CSMD3: variants seen among roughly 807,000 people sequenced by gnomAD.
CSMD3 encodes CUB and sushi domain-containing protein 3.
In CSMD3, 177 loss-of-function variants were observed where a neutral mutation model predicts 435.2. The ratio of observed to expected loss-of-function variants is 0.41; its 90% confidence interval spans 0.36 to 0.46. The LOEUF (loss-of-function observed/expected upper bound fraction) is 0.46, where lower values mean the gene tolerates loss of function less well. Among genes scored for constraint, CSMD3 ranks in the 20% least tolerant of loss-of-function variants. The pLI is 0.34. For missense variants in CSMD3, 4,265 were observed against 4,504.6 expected (o/e 0.95, Z 1.52); for synonymous variants, 1,656 against 1,520.5 (o/e 1.09, Z -2.07).
intron 70 of CSMD3, among the ~76,000 whole-genome samples, chr8:112,226,669 G>T (rs1425253842): frequency 2.0e-5 from 3 of 152,106 alleles, no homozygotes; most frequent in Non-Finnish European, 4.4e-5. Context: ...TCTAATAAGG[G>T]CCTAGTGTCT....
intron 45 of CSMD3, among the ~76,000 whole-genome samples, chr8:112,332,257 A>C (rs2130929623): frequency 6.6e-6 from 1 of 152,234 alleles, no homozygotes; most frequent in South Asian, 2.1e-4. Context: ...AGTAAGTGTA[A>C]TCATAGAAGT....
At chr8:113,424,888 T>A (rs1404673962) in intron 1 of CSMD3, among the ~76,000 whole-genome samples, 1 of 151,576 alleles carries the variant, frequency 6.6e-6, no homozygotes, top group Non-Finnish European at 1.5e-5. Context: ...ATAAAGGTGG[T>A]GTCAACTACA....
chr8:112,492,480 G>T lies in CSMD3; in HGVS notation c.5278+9C>A, dbSNP rs766772373. The stretch of plus-strand genomic sequence containing the variant: ...TCATGAAAATTCAGCCAAAAAATAT[G>T]TTCCTTACCATGACAACTTGGCAAG... On this transcript the variant is annotated intron_variant, in intron 31 of 70. Coordinates refer to ENST00000297405, the MANE Select transcript of CSMD3 (RefSeq NM_198123.2). 1 of 1,610,986 alleles carries T rather than the reference G, an allele frequency of 6.2e-7. No homozygotes were observed. Among genetic ancestry groups the T allele is most frequent in the South Asian group, 1.1e-5 (1 of 91,012 alleles).
At chr8:112,726,322 T>C (rs939161166) in intron 13 of CSMD3, among the ~76,000 whole-genome samples, 12 of 151,942 alleles carry the variant, frequency 7.9e-5, no homozygotes, top group African/African-American at 2.7e-4. Flanking sequence ...AAAATAACTA[T>C]ATACTTGCTT....
At chr8:113,410,039 C>T (rs891905956) in intron 1 of CSMD3, among the ~76,000 whole-genome samples, 8 of 152,106 alleles carry the variant, frequency 5.3e-5, no homozygotes, top group Non-Finnish European at 4.4e-5. Flanking sequence ...CATTTACTTA[C>T]TGCCTTATAT....
intron 43 of CSMD3, 68 bp from the exon 44 acceptor site, chr8:112,336,897 C>T (rs1824622483): frequency 7.9e-7 from 1 of 1,264,106 alleles, no homozygotes; most frequent in Non-Finnish European, 1.1e-6. Flanking sequence ...GAGAAAAAGG[C>T]AAACATTTCA....
At chr8:112,262,268 A>G (rs1452553040) in intron 61 of CSMD3, among the ~76,000 whole-genome samples, 1 of 152,100 alleles carries the variant, frequency 6.6e-6, no homozygotes, top group Non-Finnish European at 1.5e-5. Flanking sequence ...AATATATCAC[A>G]TATGTATAAA....
At chr8:112,764,693 A>T (rs929479335) in intron 13 of CSMD3, among the ~76,000 whole-genome samples, 2 of 151,688 alleles carry the variant, frequency 1.3e-5, no homozygotes, top group African/African-American at 4.8e-5. Context: ...ATAGTAAGTA[A>T]ATACATACTC....
chr8:112,950,493 T>C (rs1328711159), intron 8 of CSMD3, among the ~76,000 whole-genome samples: 1 of 152,046 alleles, frequency 6.6e-6, no homozygotes, highest in Non-Finnish European at 1.5e-5. Context: ...TTTTTACATT[T>C]CACTGTCATT....
At chr8:112,598,512 A>T (rs899411348) in intron 22 of CSMD3, among the ~76,000 whole-genome samples, 2 of 149,520 alleles carry the variant, frequency 1.3e-5, no homozygotes, top group Admixed American at 6.7e-5. Context: ...GAATTGGAAA[A>T]AACTACTTTA....
chr8:112,611,996 C>T (rs1833293269), intron 22 of CSMD3, among the ~76,000 whole-genome samples: 1 of 152,046 alleles, frequency 6.6e-6, no homozygotes, highest in Non-Finnish European at 1.5e-5. Context: ...TGATAAATTG[C>T]TTTGTGATGC....
At chr8:112,338,267 CT>C (rs75581136) in intron 42 of CSMD3, among the ~76,000 whole-genome samples, 28,516 of 152,002 alleles carry the variant, frequency 0.19, 3,136 homozygotes, top group Middle Eastern at 0.34. Flanking sequence ...ATAAAATGAA[CT>C]TTGTACTTCA....
At chr8:112,663,199 C>A (rs1301971740) in intron 17 of CSMD3, among the ~76,000 whole-genome samples, 2 of 152,062 alleles carry the variant, frequency 1.3e-5, no homozygotes, top group Admixed American at 6.6e-5. Context: ...ATGTTTACTG[C>A]AGCACTATTC....
intron 2 of CSMD3, among the ~76,000 whole-genome samples, chr8:113,295,014 A>AT (rs2093710033): frequency 6.6e-6 from 1 of 152,142 alleles, no homozygotes; most frequent in African/African-American, 2.4e-5. Flanking sequence ...TATTTTCCAT[A>AT]AAGTTTATTT....
At chr8:112,228,691 G>C (rs1812798947) in intron 70 of CSMD3, 65 bp downstream of exon 70, 1 of 1,496,040 alleles carries the variant, frequency 6.7e-7, no homozygotes, top group South Asian at 1.1e-5. Context: ...TTGAGCTAGA[G>C]CAGTAGAAAT....
intron 10 of CSMD3, among the ~76,000 whole-genome samples, chr8:112,902,176 A>G (rs2082123626): frequency 6.6e-6 from 1 of 151,212 alleles, no homozygotes; most frequent in African/African-American, 2.4e-5. Flanking sequence ...GCCTTTATCT[A>G]GGTGTCCCAA....
chr8:112,568,213 G>A lies in CSMD3; in HGVS notation c.4042+5288C>T, dbSNP rs566942269. 2.0e-5 allele frequency among the ~76,000 whole-genome samples: 3 copies of A among 152,192 alleles called. No individual in the cohort carries two copies. In the South Asian group the frequency reaches 6.2e-4, roughly 32 times the overall value. On this transcript the variant is annotated intron_variant, in intron 24 of 70. Transcript: ENST00000297405. ...CAGAGTTGACTGAGAAATTTATTTG[G>A]GAGAAGAATATTTCCCCAAAAAGAC...
At chr8:112,235,564 G>A (rs188006148) in intron 67 of CSMD3, among the ~76,000 whole-genome samples, 1 of 138,502 alleles carries the variant, frequency 7.2e-6, no homozygotes, top group South Asian at 2.4e-4. Context: ...GTGTTCTAAG[G>A]GTAGCTGTAA....
At chr8:113,001,419 C>T (rs963366933) in intron 6 of CSMD3, among the ~76,000 whole-genome samples, 8 of 151,982 alleles carry the variant, frequency 5.3e-5, no homozygotes, top group Admixed American at 6.6e-5. Flanking sequence ...TTGTTTATTC[C>T]GATTAGCCTC....
Sources: allele counts gnomAD v4.1 joint callset (sites outside exome capture counted in the v4.1 genomes callset), GRCh38; gene constraint gnomAD v4.1.1; transcripts MANE v1.5; gene names NCBI Gene and HGNC (gene_info 2026-07-23, HGNC 2026-07-21).